Variants in SECISBP2 observed in about 807,000 individuals in gnomAD.
The protein encoded by SECISBP2 is SECIS binding protein 2.
In SECISBP2, 96 loss-of-function variants were observed where a neutral mutation model predicts 98.2. That is an observed-to-expected ratio of 0.98 (90% CI 0.83 to 1.16). SECISBP2 has a LOEUF of 1.16. Ranked by LOEUF, SECISBP2 falls within the 50% of genes most tolerant of loss-of-function variation. The pLI, the probability that SECISBP2 is intolerant of heterozygous loss-of-function variation, is 0.00. For missense variants in SECISBP2, 1,046 were observed against 1,022.9 expected (o/e 1.02, Z -0.31); for synonymous variants, 407 against 370.2 (o/e 1.10, Z -1.14).
chr9:89,363,967 T>C (rs754498878), downstream of SECISBP2: 3 of 1,613,986 alleles, frequency 1.9e-6, no homozygotes, highest in East Asian at 2.2e-5. Flanking sequence ...ACACAGACCG[T>C]TTCCACCTCT....
At chr9:89,363,424 A>C, downstream of SECISBP2, 1 of 1,611,812 alleles carries the variant, frequency 6.2e-7, no homozygotes, top group Non-Finnish European at 8.5e-7. Flanking sequence ...GGCTGCGGCC[A>C]CTTACCCACG....
chr9:89,325,544 A>G lies in SECISBP2; in HGVS notation c.300A>G (p.Thr100=), dbSNP rs1564325661. 1.2e-6 allele frequency: 2 copies of G among 1,613,852 alleles called. No homozygotes were observed. The highest frequency in any genetic ancestry group is 2.2e-5 in the East Asian group (1 of 44,862). Residue 100 remains threonine (T), a synonymous_variant, in exon 3 of 17, where the codon ACA becomes ACG. Coordinates refer to ENST00000375807, the MANE Select transcript of SECISBP2 (RefSeq NM_024077.5). ...ATTCTCCTTATACCCTTGACTCCAC[A>G]CAGAATGTTTACTCAGTGCCTGGCT... The part of the protein sequence containing the change: ...YAYSPYTLDS[T]QNVYSVPGSQ...
chr9:89,343,548 TGTGTTCTC>T (rs1391425371), intron 10 of SECISBP2, among the ~76,000 whole-genome samples: 1 of 152,214 alleles, frequency 6.6e-6, no homozygotes, highest in African/African-American at 2.4e-5. Flanking sequence ...CATGTGTCCA[TGTGTTCTC>T]ATCATTTAGC....
chr9:89,318,960 T>G (rs1163199583), intron 1 of SECISBP2: 2 of 1,118,028 alleles, frequency 1.8e-6, no homozygotes, highest in East Asian at 1.0e-4. Context: ...TAAAGGATCC[T>G]GCGTTTTTCT....
chr9:89,327,728 G>T (rs1178071398), intron 4 of SECISBP2, among the ~76,000 whole-genome samples: 1 of 151,960 alleles, frequency 6.6e-6, no homozygotes, highest in African/African-American at 2.4e-5. Context: ...CATCTCCTGT[G>T]ATAACAATGC....
At position 89,349,845 on chromosome 9, in the gene SECISBP2, C is replaced by G. The variant is rs1332350475; in HGVS notation, c.1808C>G (p.Thr603Arg). ...GACAAGTCTGAAGAGCCACCAGGCACAGAGCTCCAGAGGGACACAGAGGCC... is the reference window on the plus strand; with the variant it reads ...GACAAGTCTGAAGAGCCACCAGGCAGAGAGCTCCAGAGGGACACAGAGGCC... ...VEDKSEEPPG[T>R]ELQRDTEASH... Residue 603 changes from threonine (T) to arginine (R), a missense_variant, in exon 13 of 17, where the codon ACA becomes AGA. Thr to Arg is a moderately conservative substitution (Grantham distance 71). Coordinates refer to ENST00000375807, the MANE Select transcript of SECISBP2 (RefSeq NM_024077.5). The G allele has an allele frequency of 6.8e-6, 11 of 1,614,100 alleles. No homozygotes were observed. Among genetic ancestry groups the G allele is most frequent in the African/African-American group, 1.3e-5 (1 of 74,934 alleles).
At chr9:89,342,489 T>C (rs1829796973) in intron 10 of SECISBP2, among the ~76,000 whole-genome samples, 1 of 152,230 alleles carries the variant, frequency 6.6e-6, no homozygotes, top group Admixed American at 6.5e-5. Context: ...TGTTATGGCA[T>C]TATTCACAAT....
At chr9:89,357,257 G>C in intron 14 of SECISBP2, 154 bp from the exon 15 acceptor site, 2 of 787,538 alleles carry the variant, frequency 2.5e-6, no homozygotes, top group Non-Finnish European at 4.4e-6. Context: ...AGTTGATTCT[G>C]CAACTTGCTT....
chr9:89,341,056 AG>A (rs1195813713), intron 9 of SECISBP2, among the ~76,000 whole-genome samples: 1 of 152,202 alleles, frequency 6.6e-6, no homozygotes, highest in Non-Finnish European at 1.5e-5. Flanking sequence ...TACAAGTGCT[AG>A]TGTCTTGCCT....
At position 89,358,914 on chromosome 9, in the gene SECISBP2, T is replaced by A; in HGVS notation, c.*90T>A. The A allele has an allele frequency of 1.3e-6, 1 of 798,418 alleles. No individual in the cohort carries two copies. Among genetic ancestry groups the A allele is most frequent in the Non-Finnish European group, 2.1e-6 (1 of 468,914 alleles). 49.5% of individuals were successfully genotyped at this position (798,418 alleles called of 1,614,324 possible). A position where few individuals can be genotyped will look rare whatever the true frequency, so the allele number is the denominator to read the frequency against. ...TTTTCTTCTGTTTTTCATGACAATG[T>A]AATTTGTGTAACTGTTGAATCTGGA... On this transcript the variant is annotated 3_prime_UTR_variant, in exon 17 of 17. Transcript: ENST00000375807.
chr9:89,358,750 T>A lies in SECISBP2; in HGVS notation c.2491T>A (p.Tyr831Asn). The change falls in exon 17 of 17, where the codon TAC becomes AAC. Residue 831 changes from tyrosine to asparagine, a missense_variant. Coordinates refer to ENST00000375807, the MANE Select transcript of SECISBP2 (RefSeq NM_024077.5). ...AATCTGGAAAAAACATCTGGAAGCA[T>A]ACAGTGGATGTACCCTGGAGCTAGA... Reference protein sequence around the residue: ...IEIWKKHLEAYSGCTLELEES... With the variant: ...IEIWKKHLEANSGCTLELEES... 2 of 1,613,804 alleles carry A rather than the reference T, an allele frequency of 1.2e-6. No homozygotes were observed. The highest frequency in any genetic ancestry group is 8.5e-7 in the Non-Finnish European group (1 of 1,179,650).
rs1165762394 is a variant in SECISBP2, at chr9:89,325,942, G to T, written c.478G>T (p.Asp160Tyr). Reference sequence around the variant, plus strand: ...AAAAACGTATGATCAGCAAAAGTTTGACAGTGAAAGGGCTGATGGAACTAT... The same window carrying T: ...AAAAACGTATGATCAGCAAAAGTTTTACAGTGAAAGGGCTGATGGAACTAT... ...EKKTYDQQKF[D>Y]SERADGTISS... Residue 160 changes from aspartate to tyrosine, a missense_variant, in exon 4 of 17, where the codon GAC (aspartate) becomes TAC (tyrosine). Physicochemically the swap from Asp to Tyr is radical, Grantham distance 160. Transcript: ENST00000375807. The T allele has an allele frequency of 6.2e-7, 1 of 1,614,022 alleles. No individual in the cohort carries two copies. The highest frequency in any genetic ancestry group is 1.1e-5 in the South Asian group (1 of 91,076).
chr9:89,353,319 T>G (rs1020711185), intron 14 of SECISBP2, among the ~76,000 whole-genome samples: 1 of 152,206 alleles, frequency 6.6e-6, no homozygotes, highest in Non-Finnish European at 1.5e-5. Flanking sequence ...TGGGTGTCTC[T>G]GTCTCCCCTA....
chr9:89,365,900 GA>G, the SECISBP2 span, among the ~76,000 whole-genome samples: 53 of 152,312 alleles, frequency 3.5e-4, no homozygotes, highest in Admixed American at 9.1e-4. Flanking sequence ...CTGCTTTACT[GA>G]CTGTGGCATC....
chr9:89,348,295 C>T (rs916130659), intron 12 of SECISBP2, 81 bp downstream of exon 12: 3 of 1,528,012 alleles, frequency 2.0e-6, no homozygotes, highest in African/African-American at 1.4e-5. Flanking sequence ...AGCAAACTCT[C>T]CAGGACTTGG....
intron 14 of SECISBP2, among the ~76,000 whole-genome samples, chr9:89,351,995 A>G (rs1831347354): frequency 1.3e-5 from 2 of 152,198 alleles, no homozygotes; most frequent in South Asian, 4.1e-4. Flanking sequence ...GCTGTTAGCC[A>G]CACTGTGGGA....
chr9:89,346,746 G>T, intron 10 of SECISBP2, 136 bp from the exon 11 acceptor site: 1 of 849,698 alleles, frequency 1.2e-6, no homozygotes, highest in East Asian at 2.5e-5. Flanking sequence ...GATGAGAAGG[G>T]TTGTGGGGAC....
intron 10 of SECISBP2, among the ~76,000 whole-genome samples, chr9:89,344,433 T>C (rs1358671156): frequency 1.3e-5 from 2 of 152,248 alleles, no homozygotes; most frequent in African/African-American, 4.8e-5. Flanking sequence ...AGTGTTTTTA[T>C]AGTTCTGGGT....
intron 2 of SECISBP2, among the ~76,000 whole-genome samples, chr9:89,321,570 G>A (rs1343019010): frequency 6.6e-6 from 1 of 152,082 alleles, no homozygotes; most frequent in African/African-American, 2.4e-5. Context: ...GGGAGGCTGA[G>A]GTAGAGAATT....
Sources: gnomAD v4.1 joint callset for allele counts (sites outside exome capture counted in the v4.1 genomes callset) on GRCh38, gnomAD v4.1.1 for gene constraint, MANE v1.5 for transcripts, NCBI Gene and HGNC (gene_info 2026-07-23, HGNC 2026-07-21) for gene names.